PHIP: variants seen among roughly 807,000 people sequenced by gnomAD.
PHIP encodes the protein PH-interacting protein.
A neutral mutation model predicts 236.8 loss-of-function variants in PHIP; 54 were observed. The ratio of observed to expected loss-of-function variants is 0.23; its 90% CI spans 0.18 to 0.29. PHIP has a LOEUF of 0.29. PHIP is among the 10% of genes least tolerant of loss of function. The pLI, the probability that PHIP is intolerant of heterozygous loss-of-function variation, is 1.00. For synonymous variants in PHIP, 756 were observed against 718.9 expected, an observed-to-expected ratio of 1.05 and a Z score of -0.83; for missense variants, 1,370 against 2,190.8, an observed-to-expected ratio of 0.63 and a Z score of 7.48.
At chr6:79,018,772 C>T (rs1259967440) in intron 10 of PHIP, among the ~76,000 whole-genome samples, 2 of 151,832 alleles carry the variant, frequency 1.3e-5, no homozygotes, top group Admixed American at 6.6e-5. Flanking sequence ...TTTAAAATAC[C>T]ATTCTTACAA....
chr6:79,059,626 A>ATATATATATATGTAT (rs1562216785), intron 6 of PHIP, among the ~76,000 whole-genome samples: 46 of 43,200 alleles, frequency 1.1e-3, no homozygotes, highest in Non-Finnish European at 2.1e-3. Flanking sequence ...TATATATATA[A>ATATATATATATGTAT]AAATGCCAAA....
At chr6:79,008,063 A>G (rs1770384432) in intron 15 of PHIP, among the ~76,000 whole-genome samples, 1 of 17,992 alleles carries the variant, frequency 5.6e-5, no homozygotes, top group Non-Finnish European at 1.6e-4. Flanking sequence ...TGAGGCAGGC[A>G]GGAAATCACC....
intron 6 of PHIP, among the ~76,000 whole-genome samples, chr6:79,045,789 T>G (rs1469477607): frequency 6.6e-6 from 1 of 152,178 alleles, no homozygotes; most frequent in Admixed American, 6.5e-5. Flanking sequence ...TATATGACAT[T>G]ATAATTTAAC....
chr6:78,983,385 G>A (rs2127718839), intron 22 of PHIP, among the ~76,000 whole-genome samples: 1 of 152,152 alleles, frequency 6.6e-6, no homozygotes, highest in East Asian at 1.9e-4. Context: ...TACCTTCCAA[G>A]ATTTTAAGAA....
chr6:78,966,970 C>A (rs1049050766), intron 27 of PHIP, among the ~76,000 whole-genome samples: 5 of 152,170 alleles, frequency 3.3e-5, no homozygotes, highest in Non-Finnish European at 5.9e-5. Context: ...TGTCTACCTC[C>A]TGGTAGTTTT....
chr6:78,964,231 A>T (rs552198595), intron 29 of PHIP, among the ~76,000 whole-genome samples: 96 of 152,288 alleles, frequency 6.3e-4, no homozygotes, highest in Admixed American at 2.0e-3. Flanking sequence ...GATAAAAAAA[A>T]ATATATTATT....
intron 15 of PHIP, among the ~76,000 whole-genome samples, chr6:79,014,389 T>C (rs1411616939): frequency 2.6e-5 from 4 of 151,784 alleles, no homozygotes; most frequent in Admixed American, 2.0e-4. Context: ...GTGGAAACTG[T>C]TTTTTCTTTT....
intron 15 of PHIP, among the ~76,000 whole-genome samples, chr6:79,008,051 G>A (rs1255736815): frequency 1.5e-5 from 1 of 68,842 alleles, no homozygotes; most frequent in African/African-American, 5.4e-5. Flanking sequence ...TACTTGGGAG[G>A]CTGAGGCAGG....
chr6:79,063,440 G>A (rs889104249), intron 4 of PHIP, among the ~76,000 whole-genome samples: 10 of 152,062 alleles, frequency 6.6e-5, no homozygotes, highest in East Asian at 1.9e-4. Context: ...GTTTTGAGAC[G>A]GAGTCTCCCT....
chr6:79,039,314 T>C (rs888163731), intron 7 of PHIP, among the ~76,000 whole-genome samples: 2 of 152,152 alleles, frequency 1.3e-5, no homozygotes, highest in African/African-American at 4.8e-5. Flanking sequence ...CACAATTGCA[T>C]GTTACATTCT....
At chr6:78,983,537 G>C (rs1768677835) in intron 22 of PHIP, among the ~76,000 whole-genome samples, 1 of 152,058 alleles carries the variant, frequency 6.6e-6, no homozygotes, top group Non-Finnish European at 1.5e-5. Flanking sequence ...GGAGATATGG[G>C]GATTCCTTTT....
At chr6:79,074,157 A>G (rs1774029016) in intron 4 of PHIP, among the ~76,000 whole-genome samples, 1 of 152,112 alleles carries the variant, frequency 6.6e-6, no homozygotes, top group South Asian at 2.1e-4. Context: ...AACAAAAAAG[A>G]TTTCTAATAA....
chr6:78,999,336 TA>T (rs1769842884), intron 17 of PHIP, among the ~76,000 whole-genome samples: 1 of 152,138 alleles, frequency 6.6e-6, no homozygotes, highest in Non-Finnish European at 1.5e-5. Flanking sequence ...CAGCACCAAC[TA>T]AAATGGCAAT....
At chr6:78,982,117 C>T (rs556124387) in intron 23 of PHIP, among the ~76,000 whole-genome samples, 1 of 152,124 alleles carries the variant, frequency 6.6e-6, no homozygotes, top group African/African-American at 2.4e-5. Flanking sequence ...AAAAATCTTC[C>T]TTTTAACCAA....
chr6:78,991,609 T>C (rs535173777), intron 19 of PHIP, among the ~76,000 whole-genome samples: 2 of 152,272 alleles, frequency 1.3e-5, no homozygotes, highest in East Asian at 3.9e-4. Context: ...TTTAAAGTTT[T>C]TGAAATGCAA....
chr6:79,055,481 C>T (rs1465541395), intron 6 of PHIP, among the ~76,000 whole-genome samples: 1 of 152,140 alleles, frequency 6.6e-6, no homozygotes, highest in Non-Finnish European at 1.5e-5. Flanking sequence ...TAAAGATTCG[C>T]TAATACCTTT....
chr6:79,011,367 A>G (rs576578275), intron 15 of PHIP, among the ~76,000 whole-genome samples: 1 of 151,998 alleles, frequency 6.6e-6, no homozygotes, highest in African/African-American at 2.4e-5. Flanking sequence ...AATATTTTCT[A>G]CAAAATTCTC....
In PHIP at chr6:79,055,678, T is replaced by C. The variant is rs531555540; in HGVS notation, c.439+4800A>G. On this transcript the variant is annotated intron_variant, in intron 6 of 39. Coordinates refer to ENST00000275034, the MANE Select transcript of PHIP (RefSeq NM_017934.7). ...TGGGTCTCTTGCTGAGACTGAGTTC[T>C]AGTTCAATTTTCACAACTTACATCA... 3.9e-5 allele frequency among the ~76,000 whole-genome samples: 6 copies of C among 152,318 alleles called. No homozygotes were observed. The South Asian group carries it at 1.2e-3, about 32-fold the overall frequency.
chr6:79,077,789 C>CCGA, intron 2 of PHIP, 60 bp from the exon 3 acceptor site: 1 of 983,998 alleles, frequency 1.0e-6, no homozygotes, highest in South Asian at 4.5e-5. Flanking sequence ...CCCGCCGCCG[C>CCGA]CGCCTCCCTC....
Sources: allele counts gnomAD v4.1 joint callset (sites outside exome capture counted in the v4.1 genomes callset), GRCh38; gene constraint gnomAD v4.1.1; transcripts MANE v1.5; gene names NCBI Gene and HGNC (gene_info 2026-07-23, HGNC 2026-07-21).